PPFIA2: variants seen among roughly 807,000 people sequenced by gnomAD.
The protein encoded by PPFIA2 is liprin-alpha-2.
A neutral mutation model predicts 175.5 loss-of-function variants in PPFIA2; 46 were observed. The observed-to-expected ratio is 0.26, with a 90% CI of 0.21 to 0.34. The LOEUF is 0.34. Among genes scored for constraint, PPFIA2 ranks in the 10% least tolerant of loss-of-function variants. PPFIA2 has a pLI of 1.00. For missense variants in PPFIA2, 1,179 were observed against 1,506.1 expected, an observed-to-expected ratio of 0.78 and a Z score of 3.60; for synonymous variants, 568 against 511.4, an observed-to-expected ratio of 1.11 and a Z score of -1.49.
chr12:81,330,781 T>C (rs1051186403), intron 21 of PPFIA2, among the ~76,000 whole-genome samples: 1 of 152,224 alleles, frequency 6.6e-6, no homozygotes, highest in Admixed American at 6.5e-5. Flanking sequence ...TCATCATTAA[T>C]AAATAGCACA....
chr12:81,265,291 CAAAAAAAAAAAAAAA>C (rs571821814), intron 30 of PPFIA2, among the ~76,000 whole-genome samples: 50 of 69,988 alleles, frequency 7.1e-4, no homozygotes, highest in African/African-American at 3.0e-3. Context: ...GAAACTCTGT[CAAAAAAAAAAAAAAA>C]AAAAAAAAAA....
At chr12:81,481,937 C>T (rs561498860) in intron 4 of PPFIA2, among the ~76,000 whole-genome samples, 11 of 152,258 alleles carry the variant, frequency 7.2e-5, no homozygotes, top group African/African-American at 2.6e-4. Flanking sequence ...AAGAAACTAT[C>T]ATCAGAGTGA....
intron 4 of PPFIA2, among the ~76,000 whole-genome samples, chr12:81,581,035 A>G (rs1362255914): frequency 6.6e-6 from 1 of 151,842 alleles, no homozygotes; most frequent in African/African-American, 2.4e-5. Context: ...CATATATTGC[A>G]CCGGACTCTG....
At position 81,369,140 on chromosome 12, in the gene PPFIA2, G is replaced by GACA. The variant is rs2034398891; in HGVS notation, c.1320_1321insTGT (p.Gln440_Leu441insCys). 6.2e-7 allele frequency: 1 copy of GACA among 1,608,120 alleles called. No individual in the cohort carries two copies. The highest frequency in any genetic ancestry group is 1.3e-5 in the African/African-American group (1 of 74,762). On this transcript the variant is annotated inframe_insertion, in exon 12 of 33. Transcript: ENST00000549396. ...TGAAGTTCTTGATTCTTCTCTTCAA[G>GACA]TTGACCCTCTAAATGTCTCATACGT...
At chr12:81,302,659 T>C (rs1223673567) in intron 22 of PPFIA2, 1 of 453,078 alleles carries the variant, frequency 2.2e-6, no homozygotes, top group African/African-American at 2.0e-5. Context: ...ACACCAGGAC[T>C]GTGTGCTACA....
chr12:81,601,162 G>A (rs2059752085), intron 4 of PPFIA2, among the ~76,000 whole-genome samples: 1 of 151,884 alleles, frequency 6.6e-6, no homozygotes, highest in African/African-American at 2.4e-5. Context: ...AAAGAGGCAG[G>A]AGGGAGAAAT....
intron 3 of PPFIA2, among the ~76,000 whole-genome samples, chr12:81,681,403 G>A (rs2073604335): frequency 6.6e-6 from 1 of 151,942 alleles, no homozygotes; most frequent in South Asian, 2.1e-4. Context: ...AGTAAACCAA[G>A]GATGGCCAGT....
intron 4 of PPFIA2, among the ~76,000 whole-genome samples, chr12:81,663,002 GC>G (rs1233897959): frequency 6.6e-6 from 1 of 152,040 alleles, no homozygotes. Context: ...AAATTCAACA[GC>G]CCTTCATGCT....
At chr12:81,359,382 G>T (rs2141131642) in intron 15 of PPFIA2, among the ~76,000 whole-genome samples, 1 of 151,116 alleles carries the variant, frequency 6.6e-6, no homozygotes, top group African/African-American at 2.4e-5. Context: ...GACAGCTATT[G>T]TTTTTGTAGC....
chr12:81,734,079 A>G (rs2153644621), intron 3 of PPFIA2, among the ~76,000 whole-genome samples: 1 of 151,924 alleles, frequency 6.6e-6, no homozygotes, highest in East Asian at 1.9e-4. Context: ...GTCCCAGATA[A>G]TCATGGTCTC....
At chr12:81,433,049 A>AGG (rs2048376872) in intron 7 of PPFIA2, among the ~76,000 whole-genome samples, 1 of 151,878 alleles carries the variant, frequency 6.6e-6, no homozygotes. Context: ...AAAAAAACCC[A>AGG]TAATATTACC....
At chr12:81,271,417 T>C (rs548658324) in intron 28 of PPFIA2, among the ~76,000 whole-genome samples, 4 of 152,166 alleles carry the variant, frequency 2.6e-5, no homozygotes, top group Admixed American at 2.6e-4. Context: ...ACTACAGGCA[T>C]GCGCCACCAC....
intron 22 of PPFIA2, among the ~76,000 whole-genome samples, chr12:81,299,943 A>C (rs1439278599): frequency 6.6e-6 from 1 of 152,160 alleles, no homozygotes; most frequent in Non-Finnish European, 1.5e-5. Flanking sequence ...ACTTGGAGAA[A>C]ACTCCAAGGT....
intron 4 of PPFIA2, among the ~76,000 whole-genome samples, chr12:81,641,214 C>A (rs1272380734): frequency 6.6e-6 from 1 of 152,038 alleles, no homozygotes; most frequent in African/African-American, 2.4e-5. Flanking sequence ...AGTATTTAAC[C>A]ACATAAATTT....
chr12:81,303,128 G>A (rs1223643792), intron 22 of PPFIA2, among the ~76,000 whole-genome samples: 2 of 152,084 alleles, frequency 1.3e-5, no homozygotes, highest in Admixed American at 1.3e-4. Context: ...AGTCTGGAAT[G>A]GATTTTCTTT....
chr12:81,633,808 G>A (rs149155624), intron 4 of PPFIA2, among the ~76,000 whole-genome samples: 149 of 152,100 alleles, frequency 9.8e-4, no homozygotes, highest in Middle Eastern at 3.4e-3. Flanking sequence ...GGTATTTAAG[G>A]TAATTTTGTT....
At chr12:81,334,723 TC>T (rs1261916841) in intron 21 of PPFIA2, among the ~76,000 whole-genome samples, 3 of 152,242 alleles carry the variant, frequency 2.0e-5, no homozygotes, top group Non-Finnish European at 4.4e-5. Context: ...TCTATAATTC[TC>T]ACTTTGGTCT....
At chr12:81,599,251 A>G (rs2059558691) in intron 4 of PPFIA2, among the ~76,000 whole-genome samples, 1 of 151,998 alleles carries the variant, frequency 6.6e-6, no homozygotes, top group Non-Finnish European at 1.5e-5. Context: ...GTCATACATA[A>G]TAAAAACCAC....
intron 4 of PPFIA2, among the ~76,000 whole-genome samples, chr12:81,666,601 G>T (rs374235323): frequency 3.3e-5 from 5 of 152,030 alleles, no homozygotes; most frequent in African/African-American, 9.7e-5. Flanking sequence ...TCACACACCG[G>T]GGCCTGTTGT....
Sources: allele counts gnomAD v4.1 joint callset (sites outside exome capture counted in the v4.1 genomes callset), GRCh38; gene constraint gnomAD v4.1.1; transcripts MANE v1.5; gene names NCBI Gene and HGNC (gene_info 2026-07-23, HGNC 2026-07-21).